DPP10: variants seen among roughly 807,000 people sequenced by gnomAD.
DPP10 encodes inactive dipeptidyl peptidase 10.
DPP10 carries 33 observed loss-of-function variants against 120.9 expected under a neutral mutation model. The ratio of observed to expected loss-of-function variants is 0.27; its 90% CI spans 0.21 to 0.37. The LOEUF (loss-of-function observed/expected upper bound fraction) is 0.37. DPP10 is among the 10% of genes least tolerant of loss of function. The probability of loss-of-function intolerance (pLI) is 1.00; values close to 1 mark genes in which losing one functional copy is unlikely to be tolerated. For synonymous variants in DPP10, 337 were observed against 326.1 expected (o/e 1.03, Z -0.36); for missense variants, 816 against 942.8 (o/e 0.87, Z 1.76).
At chr2:115,469,891 AAAAAAAAAG>A (rs1169775510) in intron 3 of DPP10, among the ~76,000 whole-genome samples, 6 of 148,476 alleles carry the variant, frequency 4.0e-5, no homozygotes, top group South Asian at 2.2e-4. Flanking sequence ...AGAGAAAAAA[AAAAAAAAAG>A]AAAAAAAAAA....
intron 3 of DPP10, among the ~76,000 whole-genome samples, chr2:115,452,020 G>C (rs708654): frequency 1.3e-5 from 2 of 151,690 alleles, no homozygotes; most frequent in Admixed American, 1.3e-4. Context: ...CTTGTCAACA[G>C]ATGGGAGCCA....
Position 115,382,880 on chromosome 2 carries a change from AC to A in DPP10, c.271+38970del, listed in dbSNP as rs528484721. 8.8e-4 allele frequency among the ~76,000 whole-genome samples: 134 copies of A among 152,334 alleles called. 1 individual carries two copies. Among genetic ancestry groups the A allele is most frequent in the Admixed American group, 7.3e-3 (112 of 15,310 alleles). On this transcript the variant is annotated intron_variant, in intron 3 of 25. Coordinates refer to ENST00000410059, the MANE Select transcript of DPP10 (RefSeq NM_020868.6). Reference sequence around the variant, plus strand: ...ATATTTGTGAAAATACATAATAGCAACCAATTGTGGGGCAGGAGGGAAGTCA... The same window carrying A: ...ATATTTGTGAAAATACATAATAGCAACAATTGTGGGGCAGGAGGGAAGTCA...
intron 1 of DPP10, among the ~76,000 whole-genome samples, chr2:115,171,329 C>T (rs2053307973): frequency 6.8e-6 from 1 of 146,952 alleles, no homozygotes; most frequent in Admixed American, 6.9e-5. Flanking sequence ...CCACTTAACT[C>T]CAGTCTGGGT....
At chr2:115,004,534 G>A (rs1292585910) in intron 1 of DPP10, among the ~76,000 whole-genome samples, 1 of 152,174 alleles carries the variant, frequency 6.6e-6, no homozygotes, top group Admixed American at 6.5e-5. Context: ...GCCAAAGCAG[G>A]GCGAGGCATT....
intron 1 of DPP10, among the ~76,000 whole-genome samples, chr2:114,698,903 A>G (rs1221885291): frequency 6.6e-6 from 1 of 152,168 alleles, no homozygotes; most frequent in African/African-American, 2.4e-5. Flanking sequence ...ATAATTTGAA[A>G]TAAAGATTCC....
At chr2:115,049,993 C>T (rs559746203) in intron 1 of DPP10, among the ~76,000 whole-genome samples, 13 of 152,214 alleles carry the variant, frequency 8.5e-5, no homozygotes, top group South Asian at 2.1e-4. Context: ...CACAACATTA[C>T]GATTCCGTAA....
At chr2:114,529,544 T>C (rs1685783025) in intron 1 of DPP10, among the ~76,000 whole-genome samples, 1 of 152,150 alleles carries the variant, frequency 6.6e-6, no homozygotes, top group South Asian at 2.1e-4. Flanking sequence ...TGCTCTTTTA[T>C]TGTTCCTTGA....
rs1240439326 is a variant in DPP10 at position 115,471,513 on chromosome 2, G to T, written c.272-27997G>T. 2.6e-5 allele frequency among the ~76,000 whole-genome samples: 4 copies of T among 152,168 alleles called. No individual in the cohort carries two copies. The East Asian group carries it at 5.8e-4, about 22-fold the overall frequency. Reference sequence around the variant, plus strand: ...TCCACCACCGGCTTCTGAGAGGTTCGCAGTCTTACATCTTGAAAACCACTT... The same window carrying T: ...TCCACCACCGGCTTCTGAGAGGTTCTCAGTCTTACATCTTGAAAACCACTT... On this transcript the variant is annotated intron_variant, in intron 3 of 25. Coordinates refer to ENST00000410059, the MANE Select transcript of DPP10 (RefSeq NM_020868.6).
At chr2:115,517,585 C>A (rs2077571602) in intron 4 of DPP10, among the ~76,000 whole-genome samples, 1 of 152,070 alleles carries the variant, frequency 6.6e-6, no homozygotes, top group Non-Finnish European at 1.5e-5. Flanking sequence ...CTATTTATGT[C>A]ATTCTCTTGG....
intron 1 of DPP10, among the ~76,000 whole-genome samples, chr2:114,775,633 G>C (rs930454722): frequency 6.6e-6 from 1 of 152,140 alleles, no homozygotes; most frequent in African/African-American, 2.4e-5. Context: ...CATTCTCTAA[G>C]CAATGTTAGC....
At chr2:114,721,414 C>A (rs1701698719) in intron 1 of DPP10, among the ~76,000 whole-genome samples, 1 of 152,150 alleles carries the variant, frequency 6.6e-6, no homozygotes, top group South Asian at 2.1e-4. Flanking sequence ...TGGCTATGTG[C>A]AAATCTTTAT....
intron 5 of DPP10, among the ~76,000 whole-genome samples, chr2:115,614,826 A>G (rs2084373051): frequency 6.6e-6 from 1 of 152,184 alleles, no homozygotes; most frequent in Admixed American, 6.5e-5. Context: ...GAGGGAGATC[A>G]TCTCTGAGAT....
At chr2:115,542,242 C>T (rs1199412944) in intron 5 of DPP10, among the ~76,000 whole-genome samples, 1 of 151,968 alleles carries the variant, frequency 6.6e-6, no homozygotes. Flanking sequence ...ACTCACATCT[C>T]TGGCTACTTA....
intron 1 of DPP10, among the ~76,000 whole-genome samples, chr2:114,831,337 G>A (rs1003583495): frequency 2.0e-5 from 3 of 152,058 alleles, no homozygotes; most frequent in East Asian, 1.9e-4. Flanking sequence ...TGGGAAATGG[G>A]TCAACTATCT....
At chr2:115,049,312 A>G (rs1171377663) in intron 1 of DPP10, among the ~76,000 whole-genome samples, 1 of 152,070 alleles carries the variant, frequency 6.6e-6, no homozygotes, top group African/African-American at 2.4e-5. Flanking sequence ...GCCCATTTAT[A>G]TTACTATTAT....
intron 1 of DPP10, among the ~76,000 whole-genome samples, chr2:114,949,549 G>T (rs1264813001): frequency 6.6e-6 from 1 of 152,212 alleles, no homozygotes; most frequent in African/African-American, 2.4e-5. Context: ...CATCCTCAGA[G>T]ATTTTGATTC....
chr2:115,284,427 T>C (rs2060283356), intron 1 of DPP10, among the ~76,000 whole-genome samples: 1 of 152,014 alleles, frequency 6.6e-6, no homozygotes, highest in African/African-American at 2.4e-5. Context: ...GTAGCTTCAG[T>C]AAGTCAAAAC....
At chr2:115,516,371 T>C (rs1042278077) in intron 4 of DPP10, among the ~76,000 whole-genome samples, 1 of 152,140 alleles carries the variant, frequency 6.6e-6, no homozygotes, top group African/African-American at 2.4e-5. Flanking sequence ...AATTATTCTT[T>C]TCCTTTATTT....
At chr2:115,759,464 GTATAT>G (rs1679832395) in intron 11 of DPP10, among the ~76,000 whole-genome samples, 1 of 150,950 alleles carries the variant, frequency 6.6e-6, no homozygotes, top group Non-Finnish European at 1.5e-5. Context: ...AATTATAATG[GTATAT>G]TATACATAAT....
Sources: allele counts gnomAD v4.1 joint callset (sites outside exome capture counted in the v4.1 genomes callset), GRCh38; gene constraint gnomAD v4.1.1; transcripts MANE v1.5; gene names NCBI Gene and HGNC (gene_info 2026-07-23, HGNC 2026-07-21).